Variants in GPC5 observed in about 807,000 individuals in gnomAD.
GPC5 encodes glypican-5.
In GPC5, 47 loss-of-function variants were observed where a neutral mutation model predicts 53.9. That is an observed-to-expected ratio of 0.87 (90% CI 0.69 to 1.11). The LOEUF (loss-of-function observed/expected upper bound fraction) is 1.11, where lower values mean the gene tolerates loss of function less well. Among genes scored for constraint, GPC5 ranks in the 50% most tolerant of loss-of-function variants. GPC5 has a pLI of 0.00. For missense variants in GPC5, 748 were observed against 713.1 expected (o/e 1.05, Z -0.56); for synonymous variants, 286 against 263.3 (o/e 1.09, Z -0.84).
At chr13:92,064,653 A>T (rs1473948433) in intron 6 of GPC5, among the ~76,000 whole-genome samples, 2 of 151,376 alleles carry the variant, frequency 1.3e-5, no homozygotes, top group Non-Finnish European at 2.9e-5. Context: ...GCTACTCAGG[A>T]GGCTGAGGCA....
intron 5 of GPC5, among the ~76,000 whole-genome samples, chr13:91,897,553 T>C (rs994126769): frequency 6.6e-6 from 1 of 152,134 alleles, no homozygotes; most frequent in African/African-American, 2.4e-5. Context: ...CTCCCATCCC[T>C]GATTCAAAAA....
At chr13:92,767,273 C>T (rs1318226815) in intron 7 of GPC5, among the ~76,000 whole-genome samples, 1 of 152,030 alleles carries the variant, frequency 6.6e-6, no homozygotes, top group Admixed American at 6.6e-5. Flanking sequence ...GAGTTCAAGA[C>T]CAGCCTGGCC....
intron 7 of GPC5, among the ~76,000 whole-genome samples, chr13:92,469,765 AG>A (rs1488517481): frequency 1.3e-5 from 2 of 152,144 alleles, no homozygotes; most frequent in Admixed American, 1.3e-4. Context: ...AAACAGCAAA[AG>A]GGGAATTCAC....
intron 6 of GPC5, among the ~76,000 whole-genome samples, chr13:92,058,554 G>C (rs1390366824): frequency 6.6e-6 from 1 of 152,034 alleles, no homozygotes; most frequent in Non-Finnish European, 1.5e-5. Flanking sequence ...CATTAGAATT[G>C]GGTATTTATT....
intron 7 of GPC5, among the ~76,000 whole-genome samples, chr13:92,494,764 T>C (rs1223170727): frequency 6.6e-6 from 1 of 152,198 alleles, no homozygotes; most frequent in East Asian, 1.9e-4. Flanking sequence ...ATTACTGAAT[T>C]GTGTGCGCAT....
chr13:92,700,687 T>G (rs1887706891), intron 7 of GPC5, among the ~76,000 whole-genome samples: 1 of 152,128 alleles, frequency 6.6e-6, no homozygotes, highest in Non-Finnish European at 1.5e-5. Context: ...TTTCTTATGT[T>G]GAACCATCTA....
At chr13:91,546,326 T>C (rs2030285091) in intron 2 of GPC5, among the ~76,000 whole-genome samples, 1 of 152,100 alleles carries the variant, frequency 6.6e-6, no homozygotes. Flanking sequence ...TCTTAAGTCA[T>C]GTTTATGTCT....
chr13:91,585,860 AG>A (rs1278189544), intron 2 of GPC5, among the ~76,000 whole-genome samples: 1 of 152,192 alleles, frequency 6.6e-6, no homozygotes, highest in Non-Finnish European at 1.5e-5. Flanking sequence ...CATGTGAAAA[AG>A]TAAAAACCTG....
rs144734972 is a variant in GPC5 at position 92,560,302 on chromosome 13, C to T, written c.1562-305980C>T. On this transcript the variant is annotated intron_variant, in intron 7 of 7. Coordinates refer to ENST00000377067, the MANE Select transcript of GPC5 (RefSeq NM_004466.6). ...AATATTGGATTTCTACTGGTGACAACGTCACAGAACCTCATACAGCAATTG... is the reference window on the plus strand; with the variant it reads ...AATATTGGATTTCTACTGGTGACAATGTCACAGAACCTCATACAGCAATTG... 4.0e-3 allele frequency among the ~76,000 whole-genome samples: 605 copies of T among 152,060 alleles called. 8 individuals carry two copies. The highest frequency in any genetic ancestry group is 0.014 in the African/African-American group (587 of 41,506).
At chr13:92,721,128 AG>A (rs1555306506) in intron 7 of GPC5, among the ~76,000 whole-genome samples, 1 of 152,070 alleles carries the variant, frequency 6.6e-6, no homozygotes, top group Non-Finnish European at 1.5e-5. Flanking sequence ...CTGGATACAC[AG>A]GGAACTGAAT....
chr13:92,835,535 A>G (rs1307591596), intron 7 of GPC5, among the ~76,000 whole-genome samples: 1 of 152,004 alleles, frequency 6.6e-6, no homozygotes, highest in Non-Finnish European at 1.5e-5. Context: ...ACTGCGTAAT[A>G]TTTCATACTA....
At chr13:92,514,813 T>G (rs1880708631) in intron 7 of GPC5, among the ~76,000 whole-genome samples, 1 of 152,140 alleles carries the variant, frequency 6.6e-6, no homozygotes, top group African/African-American at 2.4e-5. Flanking sequence ...CCATTCGGCC[T>G]TCTCCAATAA....
At position 91,770,826 on chromosome 13, in the gene GPC5, G is replaced by A. The variant is rs543892293; in HGVS notation, c.1280+14406G>A. ...AAGGGTAAATGTGAATATAAAGTTT[G>A]AGGGAAAACAAACATCTTATTTCAA... On this transcript the variant is annotated intron_variant, in intron 5 of 7. Coordinates refer to ENST00000377067, the MANE Select transcript of GPC5 (RefSeq NM_004466.6). Among the ~76,000 whole-genome samples, 3 of 152,018 alleles carry A rather than the reference G, an allele frequency of 2.0e-5. No homozygotes were observed. In the East Asian group the frequency reaches 5.8e-4, roughly 29 times the overall value.
chr13:92,394,890 A>C (rs1016631056), intron 7 of GPC5, among the ~76,000 whole-genome samples: 1 of 152,238 alleles, frequency 6.6e-6, no homozygotes, highest in African/African-American at 2.4e-5. Context: ...ACTCTAAAAA[A>C]GTAGACAAAT....
chr13:92,297,874 A>G (rs907831414), intron 7 of GPC5, among the ~76,000 whole-genome samples: 1 of 152,012 alleles, frequency 6.6e-6, no homozygotes, highest in African/African-American at 2.4e-5. Context: ...ATGAGCTGTA[A>G]CACTCACCGC....
intron 7 of GPC5, among the ~76,000 whole-genome samples, chr13:92,217,050 G>A (rs182915059): frequency 2.0e-5 from 3 of 151,040 alleles, no homozygotes; most frequent in East Asian, 1.9e-4. Flanking sequence ...TGGGGGTAGC[G>A]CCCAGTCCCT....
At chr13:91,976,433 G>T (rs1004843047) in intron 6 of GPC5, among the ~76,000 whole-genome samples, 6 of 152,168 alleles carry the variant, frequency 3.9e-5, no homozygotes, top group Non-Finnish European at 5.9e-5. Context: ...GGCTTTAATT[G>T]GGTGCCACTG....
chr13:92,441,773 C>T (rs1877577875), intron 7 of GPC5, among the ~76,000 whole-genome samples: 1 of 152,132 alleles, frequency 6.6e-6, no homozygotes, highest in Admixed American at 6.5e-5. Context: ...GAACAGTTTA[C>T]AGAGTCAACA....
chr13:91,767,339 T>C (rs565725169), intron 5 of GPC5, among the ~76,000 whole-genome samples: 47 of 152,334 alleles, frequency 3.1e-4, no homozygotes, highest in African/African-American at 1.1e-3. Flanking sequence ...TATCAGTGTT[T>C]TCAAGGGAGA....
Sources: allele counts gnomAD v4.1 joint callset (sites outside exome capture counted in the v4.1 genomes callset), GRCh38; gene constraint gnomAD v4.1.1; transcripts MANE v1.5; gene names NCBI Gene and HGNC (gene_info 2026-07-23, HGNC 2026-07-21).